Variants in NOX4 observed in about 807,000 individuals in gnomAD.
NOX4 encodes the protein kidney oxidase-1.
A neutral mutation model predicts 87.6 loss-of-function variants in NOX4; 69 were observed. The observed-to-expected ratio is 0.79, with a 90% CI of 0.65 to 0.96. NOX4 has a LOEUF of 0.96. Ranked by LOEUF, NOX4 falls within the 40% of genes least tolerant of loss-of-function variation. The probability of loss-of-function intolerance (pLI) is 0.00; values close to 1 mark genes in which losing one functional copy is unlikely to be tolerated. For missense variants in NOX4, 680 were observed against 681.5 expected (o/e 1.00, Z 0.02); for synonymous variants, 275 against 238.2 (o/e 1.15, Z -1.42).
intron 8 of NOX4, among the ~76,000 whole-genome samples, chr11:89,417,297 T>C (rs1361847815): frequency 6.6e-6 from 1 of 152,140 alleles, no homozygotes; most frequent in Non-Finnish European, 1.5e-5. Flanking sequence ...CATCTCCTTC[T>C]GAGTTTTTCA....
intron 2 of NOX4, among the ~76,000 whole-genome samples, chr11:89,470,834 C>T (rs1046448118): frequency 6.6e-6 from 1 of 152,056 alleles, no homozygotes; most frequent in Admixed American, 6.6e-5. Flanking sequence ...CAGTTTAGCT[C>T]CCAGATGCAT....
At chr11:89,384,348 C>T (rs889665637) in intron 11 of NOX4, among the ~76,000 whole-genome samples, 10 of 152,160 alleles carry the variant, frequency 6.6e-5, no homozygotes. Flanking sequence ...CTGGGCTGTA[C>T]TGCCACAAGG....
intron 12 of NOX4, 38 bp from the exon 13 acceptor site, chr11:89,355,081 TAA>T (rs772967509): frequency 1.4e-6 from 2 of 1,416,716 alleles, no homozygotes. Flanking sequence ...TGTGAAAAGA[TAA>T]AAGTCATGAA....
chr11:89,439,795 T>C (rs1258946099), intron 6 of NOX4, among the ~76,000 whole-genome samples: 1 of 152,140 alleles, frequency 6.6e-6, no homozygotes, highest in Non-Finnish European at 1.5e-5. Context: ...TTTAACAAAT[T>C]AATAGTCTAG....
At chr11:89,424,964 T>C (rs1943296693) in intron 7 of NOX4, among the ~76,000 whole-genome samples, 1 of 152,124 alleles carries the variant, frequency 6.6e-6, no homozygotes, top group South Asian at 2.1e-4. Flanking sequence ...TGTTATAATC[T>C]TGTTTAAACA....
At chr11:89,517,758 T>C in the NOX4 span, among the ~76,000 whole-genome samples, 4 of 152,024 alleles carry the variant, frequency 2.6e-5, no homozygotes, top group African/African-American at 9.7e-5. Flanking sequence ...GCTGGGTGAT[T>C]TCTTTAATAT....
chr11:89,386,079 C>G (rs943517279), intron 11 of NOX4, among the ~76,000 whole-genome samples: 1 of 152,100 alleles, frequency 6.6e-6, no homozygotes, highest in African/African-American at 2.4e-5. Flanking sequence ...TCAAGCTCAG[C>G]CTCCAACTTA....
the NOX4 span, among the ~76,000 whole-genome samples, chr11:89,564,758 T>TTG: frequency 6.6e-6 from 1 of 151,738 alleles, no homozygotes; most frequent in Non-Finnish European, 1.5e-5. Flanking sequence ...TTTTTTGTTT[T>TTG]TTTTTTAATA....
chr11:89,383,209 C>T (rs1400358964), intron 11 of NOX4, among the ~76,000 whole-genome samples: 1 of 152,226 alleles, frequency 6.6e-6, no homozygotes, highest in East Asian at 1.9e-4. Flanking sequence ...GCCTAAGCCA[C>T]AGCGGTCTGG....
the NOX4 span, among the ~76,000 whole-genome samples, chr11:89,506,125 T>C: frequency 6.6e-6 from 1 of 151,770 alleles, no homozygotes; most frequent in Admixed American, 6.6e-5. Flanking sequence ...GGAAACTGAT[T>C]TGTGACAATG....
At chr11:89,549,230 T>C in the NOX4 span, among the ~76,000 whole-genome samples, 2 of 152,330 alleles carry the variant, frequency 1.3e-5, no homozygotes, top group African/African-American at 4.8e-5. Context: ...GTGTTATTAC[T>C]AATAGTTGCA....
At chr11:89,376,756 C>T (rs7395765) in intron 11 of NOX4, among the ~76,000 whole-genome samples, 66 of 152,214 alleles carry the variant, frequency 4.3e-4, no homozygotes, top group Middle Eastern at 3.4e-3. Flanking sequence ...GTGGTAGGTG[C>T]CTGTGGTCCC....
intron 11 of NOX4, among the ~76,000 whole-genome samples, chr11:89,392,543 A>G (rs960665067): frequency 2.0e-5 from 3 of 152,186 alleles, no homozygotes; most frequent in African/African-American, 7.2e-5. Context: ...TCGAGATTCC[A>G]CAGGGGGAAA....
At chr11:89,359,519 A>G (rs1280480759) in intron 12 of NOX4, among the ~76,000 whole-genome samples, 1 of 151,842 alleles carries the variant, frequency 6.6e-6, no homozygotes, top group East Asian at 1.9e-4. Context: ...TCTTACCACT[A>G]CAAAAAAAAG....
intron 11 of NOX4, among the ~76,000 whole-genome samples, chr11:89,392,766 T>C (rs1232242045): frequency 6.6e-6 from 1 of 152,194 alleles, no homozygotes; most frequent in African/African-American, 2.4e-5. Context: ...TTCAAAGGTC[T>C]ACATGACATG....
At chr11:89,531,649 T>A in the NOX4 span, among the ~76,000 whole-genome samples, 6 of 152,154 alleles carry the variant, frequency 3.9e-5, no homozygotes, top group African/African-American at 9.7e-5. Context: ...TCTGATGGTT[T>A]AAAAGTTTAT....
chr11:89,489,904 A>G (rs1946784995), intron 2 of NOX4, among the ~76,000 whole-genome samples: 1 of 152,182 alleles, frequency 6.6e-6, no homozygotes, highest in Non-Finnish European at 1.5e-5. Context: ...CATAAAATAA[A>G]TCAGAAAAAA....
intron 11 of NOX4, among the ~76,000 whole-genome samples, chr11:89,388,534 T>C (rs1368154068): frequency 6.6e-6 from 1 of 152,206 alleles, no homozygotes; most frequent in Non-Finnish European, 1.5e-5. Flanking sequence ...CTGTATCACA[T>C]AGTTCAAGTT....
intron 8 of NOX4, among the ~76,000 whole-genome samples, chr11:89,404,995 T>C (rs1942087553): frequency 6.6e-6 from 1 of 151,930 alleles, no homozygotes; most frequent in East Asian, 1.9e-4. Flanking sequence ...CCTAGCTCAC[T>C]CTATGCCCCT....
Sources: allele counts gnomAD v4.1 joint callset (sites outside exome capture counted in the v4.1 genomes callset), GRCh38; gene constraint gnomAD v4.1.1; transcripts MANE v1.5; gene names NCBI Gene and HGNC (gene_info 2026-07-23, HGNC 2026-07-21).